The following NEGR1 variants were observed in gnomAD, a reference collection of about 807,000 sequenced individuals.
NEGR1 encodes neuronal growth regulator 1, also known as IgLON family member 4.
A neutral mutation model predicts 40.9 loss-of-function variants in NEGR1; 10 were observed. The ratio of observed to expected loss-of-function variants is 0.24; its 90% CI spans 0.15 to 0.42. NEGR1 has a LOEUF of 0.42. Ranked by LOEUF, NEGR1 falls within the 10% of genes least tolerant of loss-of-function variation. The pLI is 1.00. For synonymous variants in NEGR1, 185 were observed against 166.8 expected (o/e 1.11, Z -0.84); for missense variants, 352 against 438.9 (o/e 0.80, Z 1.77).
chr1:71,588,765 A>G (rs769678051), intron 6 of NEGR1, among the ~76,000 whole-genome samples: 1 of 152,160 alleles, frequency 6.6e-6, no homozygotes, highest in South Asian at 2.1e-4. Context: ...TTTGAGAAAG[A>G]GGCAAACAAG....
At chr1:72,007,607 C>A (rs188167784) in intron 1 of NEGR1, among the ~76,000 whole-genome samples, 1 of 151,734 alleles carries the variant, frequency 6.6e-6, no homozygotes, top group African/African-American at 2.4e-5. Context: ...GGAAAGAGTA[C>A]GAAGAAAAGA....
intron 5 of NEGR1, among the ~76,000 whole-genome samples, chr1:71,606,407 G>T (rs1358256540): frequency 6.6e-6 from 1 of 152,168 alleles, no homozygotes; most frequent in Non-Finnish European, 1.5e-5. Context: ...TCTTATGAGA[G>T]ACCCGGAGTG....
intron 2 of NEGR1, among the ~76,000 whole-genome samples, chr1:71,814,191 C>T (rs776128892): frequency 1.2e-4 from 18 of 151,834 alleles, no homozygotes; most frequent in Non-Finnish European, 2.4e-4. Flanking sequence ...GATAATCATG[C>T]GGTTTTTGTC....
intron 3 of NEGR1, among the ~76,000 whole-genome samples, chr1:71,759,364 C>T (rs1215631070): frequency 4.7e-5 from 6 of 128,958 alleles, no homozygotes; most frequent in African/African-American, 1.8e-4. Flanking sequence ...GTGGCACGAT[C>T]TCGGCTCACT....
chr1:71,439,876 A>G (rs1289656252), intron 6 of NEGR1: 2 of 150,876 alleles, frequency 1.3e-5, no homozygotes, highest in Non-Finnish European at 3.0e-5. Context: ...TTTCTCTCAT[A>G]TATATATATA....
intron 2 of NEGR1, among the ~76,000 whole-genome samples, chr1:71,882,119 T>C (rs192462788): frequency 1.1e-4 from 17 of 152,264 alleles, no homozygotes; most frequent in African/African-American, 3.4e-4. Flanking sequence ...TCTAGGCTCC[T>C]GAATCCTATA....
intron 2 of NEGR1, among the ~76,000 whole-genome samples, chr1:71,906,644 A>T (rs1477783243): frequency 2.6e-5 from 4 of 152,154 alleles, no homozygotes; most frequent in African/African-American, 9.7e-5. Context: ...AAATAGTGAA[A>T]AAAAACTGTC....
At chr1:72,152,477 AGTT>A (rs1651161516) in intron 1 of NEGR1, among the ~76,000 whole-genome samples, 1 of 152,120 alleles carries the variant, frequency 6.6e-6, no homozygotes, top group East Asian at 1.9e-4. Flanking sequence ...AAAAAACAAG[AGTT>A]GTTGTTGATA....
chr1:71,813,501 T>C (rs1470094008), intron 2 of NEGR1, among the ~76,000 whole-genome samples: 2 of 152,172 alleles, frequency 1.3e-5, no homozygotes, highest in East Asian at 1.9e-4. Flanking sequence ...GAAATAGCAT[T>C]GAATCTATAA....
intron 4 of NEGR1, among the ~76,000 whole-genome samples, chr1:71,690,339 A>G (rs1570212976): frequency 6.6e-6 from 1 of 151,878 alleles, no homozygotes; most frequent in Admixed American, 6.6e-5. Context: ...TTTTTTTTCT[A>G]GAAGCACTAG....
At chr1:71,487,290 T>C (rs969775970) in intron 6 of NEGR1, among the ~76,000 whole-genome samples, 9 of 151,610 alleles carry the variant, frequency 5.9e-5, no homozygotes, top group African/African-American at 2.2e-4. Context: ...TTTCTCCAAC[T>C]ATTGAGCGGC....
chr1:71,623,997 C>T (rs538400839), intron 4 of NEGR1, among the ~76,000 whole-genome samples: 1 of 151,782 alleles, frequency 6.6e-6, no homozygotes, highest in East Asian at 1.9e-4. Context: ...GGGTTCCTTC[C>T]TTTTTTGCTC....
intron 2 of NEGR1, among the ~76,000 whole-genome samples, chr1:71,820,939 G>C (rs1182478709): frequency 6.6e-6 from 1 of 151,958 alleles, no homozygotes; most frequent in East Asian, 1.9e-4. Flanking sequence ...ATAACTACAA[G>C]CTTAACCCAG....
At chr1:71,609,203 G>C (rs2101540100) in intron 5 of NEGR1, among the ~76,000 whole-genome samples, 1 of 152,010 alleles carries the variant, frequency 6.6e-6, no homozygotes, top group African/African-American at 2.4e-5. Context: ...AAAATTTTAG[G>C]TAAAACCAGT....
At chr1:71,805,562 G>C (rs1388060195) in intron 2 of NEGR1, among the ~76,000 whole-genome samples, 1 of 152,172 alleles carries the variant, frequency 6.6e-6, no homozygotes, top group African/African-American at 2.4e-5. Flanking sequence ...TCTTTGCACT[G>C]TTTTTGAATA....
intron 6 of NEGR1, among the ~76,000 whole-genome samples, chr1:71,420,108 A>G (rs1232162735): frequency 1.3e-5 from 2 of 152,050 alleles, no homozygotes; most frequent in African/African-American, 2.4e-5. Context: ...ACTATAATAA[A>G]AATAGCATTC....
chr1:72,212,088 C>T (rs935577994), intron 1 of NEGR1, among the ~76,000 whole-genome samples: 1 of 151,922 alleles, frequency 6.6e-6, no homozygotes, highest in Non-Finnish European at 1.5e-5. Context: ...TCCTGCCAAT[C>T]ACCTTGTGAT....
At chr1:71,549,489 T>C (rs1173934993) in intron 6 of NEGR1, among the ~76,000 whole-genome samples, 2 of 151,698 alleles carry the variant, frequency 1.3e-5, no homozygotes, top group Admixed American at 6.6e-5. Context: ...TCTTCCCAAG[T>C]GCCTCTGGAA....
chr1:72,145,096 A>G (rs1650856553), intron 1 of NEGR1, among the ~76,000 whole-genome samples: 1 of 152,040 alleles, frequency 6.6e-6, no homozygotes, highest in South Asian at 2.1e-4. Context: ...ATGAATCTGG[A>G]GTTTTATAAA....
Sources: gnomAD v4.1 joint callset for allele counts (sites outside exome capture counted in the v4.1 genomes callset) on GRCh38, gnomAD v4.1.1 for gene constraint, MANE v1.5 for transcripts, NCBI Gene and HGNC (gene_info 2026-07-23, HGNC 2026-07-21) for gene names.